Variants in CDC37L1 observed in about 807,000 individuals in gnomAD.
CDC37L1 encodes hsp90 co-chaperone Cdc37-like 1.
In CDC37L1, 32 loss-of-function variants were observed where a neutral mutation model predicts 45.9. That is an observed-to-expected ratio of 0.70 (90% CI 0.53 to 0.94). CDC37L1 has a LOEUF of 0.94. Ranked by LOEUF, CDC37L1 falls within the 40% of genes least tolerant of loss-of-function variation. CDC37L1 has a pLI of 0.00. For synonymous variants in CDC37L1, 150 were observed against 133.0 expected, an observed-to-expected ratio of 1.13 and a Z score of -0.88; for missense variants, 434 against 405.7, an observed-to-expected ratio of 1.07 and a Z score of -0.60.
intron 2 of CDC37L1, among the ~76,000 whole-genome samples, chr9:4,685,757 G>T (rs1407595784): frequency 6.6e-6 from 1 of 152,128 alleles, no homozygotes; most frequent in East Asian, 1.9e-4. Context: ...TTATACCTCA[G>T]TTTTCCATTT....
chr9:4,705,507 ATTTC>A, intron 6 of CDC37L1, among the ~76,000 whole-genome samples: 1 of 152,144 alleles, frequency 6.6e-6, no homozygotes, highest in African/African-American at 2.4e-5. Context: ...AAGTGTACAG[ATTTC>A]TCACTGAGTT....
intron 2 of CDC37L1, chr9:4,685,544 C>T (rs1425494398): frequency 6.3e-6 from 1 of 158,694 alleles, no homozygotes; most frequent in Non-Finnish European, 1.4e-5. Context: ...TTTAATGCAA[C>T]TACCTTCTTT....
intron 3 of CDC37L1, among the ~76,000 whole-genome samples, chr9:4,691,032 G>A (rs1841295485): frequency 6.6e-6 from 1 of 152,210 alleles, no homozygotes; most frequent in South Asian, 2.1e-4. Context: ...GTTGATAGAG[G>A]TGTGACACAA....
chr9:4,685,051 C>T lies in CDC37L1; in HGVS notation c.307C>T (p.Leu103=). ...CAAAGCACAAACAGCAGTATCAGAACTGAGGCAACGGGAAGAAGAGTGGCG... is the reference window on the plus strand; with the variant it reads ...CAAAGCACAAACAGCAGTATCAGAATTGAGGCAACGGGAAGAAGAGTGGCG... The part of the protein sequence containing the change: ...HAKAQTAVSE[L]RQREEEWRQK... The change falls in exon 2 of 7, where the codon CTG becomes TTG. Residue 103 remains leucine (L), a synonymous_variant. Transcript: ENST00000381854. 6.2e-7 allele frequency: 1 copy of T among 1,614,044 alleles called. No homozygotes were observed. The highest frequency in any genetic ancestry group is 8.5e-7 in the Non-Finnish European group (1 of 1,179,922).
chr9:4,682,161 CTT>C (rs1198428290), intron 1 of CDC37L1, among the ~76,000 whole-genome samples: 6 of 42,784 alleles, frequency 1.4e-4, no homozygotes, highest in Admixed American at 2.3e-4. Flanking sequence ...TATCCTTTCT[CTT>C]TTTTTTTTTT....
chr9:4,703,377 C>G (rs958407875), intron 6 of CDC37L1, among the ~76,000 whole-genome samples: 3 of 148,954 alleles, frequency 2.0e-5, no homozygotes, highest in Non-Finnish European at 3.0e-5. Context: ...AAAAAAGTCT[C>G]AAGGATGGAA....
chr9:4,694,672 A>T (rs999042235), intron 3 of CDC37L1, among the ~76,000 whole-genome samples: 2 of 152,102 alleles, frequency 1.3e-5, no homozygotes, highest in South Asian at 2.1e-4. Flanking sequence ...GGAGTTCGAG[A>T]CCAGCCTGAT....
At chr9:4,690,511 C>T (rs1000110945) in intron 3 of CDC37L1, among the ~76,000 whole-genome samples, 6 of 152,090 alleles carry the variant, frequency 3.9e-5, no homozygotes, top group African/African-American at 1.4e-4. Flanking sequence ...TCTACACTGT[C>T]GAATCTATGC....
At chr9:4,681,095 A>G (rs1490628612) in intron 1 of CDC37L1, among the ~76,000 whole-genome samples, 1 of 152,196 alleles carries the variant, frequency 6.6e-6, no homozygotes, top group Non-Finnish European at 1.5e-5. Flanking sequence ...TATATACAAA[A>G]TGTATTATAA....
intron 1 of CDC37L1, among the ~76,000 whole-genome samples, chr9:4,681,507 G>C (rs1841193453): frequency 6.6e-6 from 1 of 152,128 alleles, no homozygotes; most frequent in African/African-American, 2.4e-5. Context: ...AGCCTGGTGT[G>C]GTGGCGCATG....
chr9:4,703,351 T>G (rs1841417057), intron 6 of CDC37L1: 4 of 303,376 alleles, frequency 1.3e-5, no homozygotes, highest in East Asian at 5.5e-5. Context: ...GAGCCTACTC[T>G]GGCTGAAAAA....
At chr9:4,692,753 A>G (rs1008823618) in intron 3 of CDC37L1, among the ~76,000 whole-genome samples, 1 of 152,230 alleles carries the variant, frequency 6.6e-6, no homozygotes, top group Admixed American at 6.5e-5. Context: ...CGTTTATCCT[A>G]AGAATCAAAA....
chr9:4,702,888 C>CAAAA (rs397829063), intron 6 of CDC37L1, among the ~76,000 whole-genome samples: 14 of 42,946 alleles, frequency 3.3e-4, no homozygotes, highest in South Asian at 1.1e-3. Flanking sequence ...GACTCCGTCT[C>CAAAA]AAAAAAAAAA....
Position 4,697,829 on chromosome 9 carries a change from T to A in CDC37L1, c.697T>A (p.Cys233Ser), listed in dbSNP as rs1311243020. The change falls in exon 5 of 7, where the codon TGT becomes AGT. Residue 233 changes from cysteine to serine, a missense_variant. Transcript: ENST00000381854. Reference sequence around the variant, plus strand: ...GTTTATTATGGAAATGGCCAAAAACTGTAATGTGGATCCAAGAGGGTGTTT... The same window carrying A: ...GTTTATTATGGAAATGGCCAAAAACAGTAATGTGGATCCAAGAGGGTGTTT... ...MQFIMEMAKN[C>S]NVDPRGCFRL... 1.2e-6 allele frequency: 2 copies of A among 1,612,538 alleles called. No homozygotes were observed. Among genetic ancestry groups the A allele is most frequent in the Admixed American group, 3.3e-5 (2 of 59,994 alleles).
intron 3 of CDC37L1, among the ~76,000 whole-genome samples, chr9:4,689,286 A>G (rs971607691): frequency 2.6e-5 from 4 of 152,136 alleles, no homozygotes; most frequent in African/African-American, 9.7e-5. Context: ...CTGGCATGAA[A>G]ATGCTGCTGG....
At chr9:4,687,706 C>T (rs547892990) in intron 2 of CDC37L1, among the ~76,000 whole-genome samples, 403 of 143,074 alleles carry the variant, frequency 2.8e-3, no homozygotes, top group Non-Finnish European at 4.5e-3. Context: ...AAAAAAGACA[C>T]GCAACAACAA....
At chr9:4,692,302 T>C (rs1451996253) in intron 3 of CDC37L1, among the ~76,000 whole-genome samples, 2 of 151,584 alleles carry the variant, frequency 1.3e-5, no homozygotes, top group African/African-American at 4.8e-5. Context: ...GAAATCTCGC[T>C]CTTGTCCCCC....
intron 5 of CDC37L1, among the ~76,000 whole-genome samples, chr9:4,699,357 C>T (rs1476485875): frequency 1.3e-5 from 2 of 152,140 alleles, no homozygotes; most frequent in African/African-American, 4.8e-5. Flanking sequence ...AAGTATAATG[C>T]AAATATTCCC....
intron 2 of CDC37L1, among the ~76,000 whole-genome samples, chr9:4,686,316 T>C (rs1262946403): frequency 6.6e-6 from 1 of 152,234 alleles, no homozygotes; most frequent in African/African-American, 2.4e-5. Flanking sequence ...ATCAGTACTT[T>C]AACAGTGAGT....
Sources: allele counts gnomAD v4.1 joint callset (sites outside exome capture counted in the v4.1 genomes callset), GRCh38; gene constraint gnomAD v4.1.1; transcripts MANE v1.5; gene names NCBI Gene and HGNC (gene_info 2026-07-23, HGNC 2026-07-21).